Variants in MMP26 observed in about 807,000 individuals in gnomAD.
The protein encoded by MMP26 is matrix metallopeptidase 26, also known as matrix metalloproteinase-26.
Under a neutral mutation model 31.0 loss-of-function variants are expected in MMP26, and 33 were observed. That is an observed-to-expected ratio of 1.06 (90% CI 0.81 to 1.42). MMP26 has a LOEUF of 1.42. Ranked by LOEUF, MMP26 falls within the 40% of genes most tolerant of loss-of-function variation. The probability of loss-of-function intolerance (pLI) is 0.00; values close to 1 mark genes in which losing one functional copy is unlikely to be tolerated. For missense variants in MMP26, 347 were observed against 316.1 expected (o/e 1.10, Z -0.74); for synonymous variants, 122 against 114.9 (o/e 1.06, Z -0.40).
At chr11:4,943,912 T>C (rs747543084) in intron 2 of MMP26, 3 of 435,754 alleles carry the variant, frequency 6.9e-6, no homozygotes, top group African/African-American at 2.0e-5. Context: ...GTGACATCTA[T>C]GTACAATATC....
At chr11:4,743,371 G>A (rs1008232798) in intron 1 of MMP26, among the ~76,000 whole-genome samples, 5 of 152,140 alleles carry the variant, frequency 3.3e-5, no homozygotes, top group African/African-American at 9.7e-5. Flanking sequence ...AAATTATGAA[G>A]ACTATTGGTA....
chr11:4,709,796 T>C (rs1403229736), intron 1 of MMP26: 2 of 457,838 alleles, frequency 4.4e-6, no homozygotes, highest in East Asian at 1.4e-4. Context: ...TAGGTCTGTG[T>C]CTTTCTACAT....
At chr11:4,916,488 A>T (rs1175038181) in intron 2 of MMP26, among the ~76,000 whole-genome samples, 1 of 149,440 alleles carries the variant, frequency 6.7e-6, no homozygotes. Context: ...CTTTTCCTTT[A>T]TCTTACTGTG....
At chr11:4,814,912 G>A (rs535286616) in intron 2 of MMP26, among the ~76,000 whole-genome samples, 68 of 152,286 alleles carry the variant, frequency 4.5e-4, no homozygotes, top group African/African-American at 1.5e-3. Context: ...GAACGCACCC[G>A]TGGCACAGCT....
rs745527378 is a variant in MMP26, at chr11:4,907,819, T to C, written c.-144-80249T>C. Reference sequence around the variant, plus strand: ...CTAAAATGGGACTTATTTTAGCCATTAGGAGCATTCTCTTAGTGATTCCAT... The same window carrying C: ...CTAAAATGGGACTTATTTTAGCCATCAGGAGCATTCTCTTAGTGATTCCAT... On this transcript the variant is annotated intron_variant, in intron 2 of 7. Transcript: ENST00000380390. 4 of 1,613,860 alleles carry C rather than the reference T, an allele frequency of 2.5e-6. No homozygotes were observed. In the Admixed American group the frequency reaches 6.7e-5, roughly 27 times the overall value.
intron 1 of MMP26, chr11:4,711,849 T>C (rs1217352116): frequency 6.6e-6 from 1 of 152,202 alleles, no homozygotes; most frequent in African/African-American, 2.4e-5. Context: ...TGATGAATTA[T>C]ATATATTTCT....
chr11:4,851,943 A>T (rs1849981546), intron 2 of MMP26, among the ~76,000 whole-genome samples: 1 of 152,186 alleles, frequency 6.6e-6, no homozygotes, highest in African/African-American at 2.4e-5. Context: ...GTGAAATTTC[A>T]ACCATATCAA....
chr11:4,812,154 A>C (rs1464350172), intron 2 of MMP26, among the ~76,000 whole-genome samples: 2 of 152,134 alleles, frequency 1.3e-5, no homozygotes, highest in Non-Finnish European at 2.9e-5. Context: ...TTGGAAAAAA[A>C]GGTTTTTGGG....
chr11:4,817,956 A>C (rs2133468177), intron 2 of MMP26, among the ~76,000 whole-genome samples: 1 of 152,310 alleles, frequency 6.6e-6, no homozygotes, highest in African/African-American at 2.4e-5. Flanking sequence ...GAGCAGACCA[A>C]GAAGGCAGAG....
In MMP26 at chr11:4,935,070, G is replaced by A. The variant is rs796182682; in HGVS notation, c.-144-52998G>A. Reference sequence around the variant, plus strand: ...ACTTGGCAATGTGGGCTCTTTTTTGGTTCCATATGAACTTTAAAGTATTTT... The same window carrying A: ...ACTTGGCAATGTGGGCTCTTTTTTGATTCCATATGAACTTTAAAGTATTTT... On this transcript the variant is annotated intron_variant, in intron 2 of 7. Transcript: ENST00000380390. Among the ~76,000 whole-genome samples, 12 of 151,660 alleles carry A rather than the reference G, an allele frequency of 7.9e-5. 1 individual carries two copies. In the South Asian group the frequency reaches 2.1e-3, roughly 26 times the overall value.
intron 2 of MMP26, among the ~76,000 whole-genome samples, chr11:4,837,612 C>T (rs1345163519): frequency 6.6e-6 from 1 of 152,014 alleles, no homozygotes; most frequent in Non-Finnish European, 1.5e-5. Flanking sequence ...GAAAGACATT[C>T]ATTTTTACTA....
At chr11:4,886,724 C>CTTTTTTTTTTTTTTTTTTTTTTTTTTTTT (rs1238841764) in intron 2 of MMP26, among the ~76,000 whole-genome samples, 1 of 151,288 alleles carries the variant, frequency 6.6e-6, no homozygotes, top group Non-Finnish European at 1.5e-5. Flanking sequence ...GGTCAAAAGA[C>CTTTTTTTTTTTTTTTTTTTTTTTTTTTTT]TTTATTTTTG....
intron 2 of MMP26, among the ~76,000 whole-genome samples, chr11:4,841,263 A>G (rs1375838626): frequency 6.6e-6 from 1 of 152,206 alleles, no homozygotes; most frequent in East Asian, 1.9e-4. Flanking sequence ...TTAAAGAGAT[A>G]ATAACAGAGA....
At chr11:4,869,292 G>T (rs1850280025) in intron 2 of MMP26, among the ~76,000 whole-genome samples, 1 of 152,128 alleles carries the variant, frequency 6.6e-6, no homozygotes, top group Non-Finnish European at 1.5e-5. Context: ...CCTACAGAAT[G>T]GGAGAAAATT....
intron 2 of MMP26, among the ~76,000 whole-genome samples, chr11:4,824,636 T>A (rs2133475224): frequency 6.6e-6 from 1 of 152,248 alleles, no homozygotes; most frequent in East Asian, 1.9e-4. Context: ...AATTCTCTTG[T>A]CCTATAGGAT....
chr11:4,989,543 A>AGT (rs774378063), intron 3 of MMP26, 105 bp from the exon 4 acceptor site: 14 of 836,742 alleles, frequency 1.7e-5, no homozygotes, highest in Non-Finnish European at 2.4e-5. Context: ...AGGCCAGACT[A>AGT]AGTACCGTCC....
intron 2 of MMP26, among the ~76,000 whole-genome samples, chr11:4,950,085 T>C (rs1460298528): frequency 8.1e-6 from 1 of 123,752 alleles, no homozygotes; most frequent in Non-Finnish European, 1.8e-5. Flanking sequence ...TTACAATAGA[T>C]AGAGCAATTT....
chr11:4,930,724 C>A (rs1320408426), intron 2 of MMP26, among the ~76,000 whole-genome samples: 2 of 151,956 alleles, frequency 1.3e-5, no homozygotes, highest in African/African-American at 4.8e-5. Context: ...GTTTACTATA[C>A]TTGCACAGGG....
At chr11:4,743,305 C>G (rs1848338521) in intron 1 of MMP26, among the ~76,000 whole-genome samples, 1 of 152,116 alleles carries the variant, frequency 6.6e-6, no homozygotes. Context: ...CTATTTAAAA[C>G]TCATTTTCTT....
Sources: gnomAD v4.1 joint callset for allele counts (sites outside exome capture counted in the v4.1 genomes callset) on GRCh38, gnomAD v4.1.1 for gene constraint, MANE v1.5 for transcripts, NCBI Gene and HGNC (gene_info 2026-07-23, HGNC 2026-07-21) for gene names.